Variants in SCIN observed in about 807,000 individuals in gnomAD.
The protein encoded by SCIN is adseverin.
A neutral mutation model predicts 91.8 loss-of-function variants in SCIN; 91 were observed. The observed-to-expected ratio is 0.99, with a 90% CI of 0.84 to 1.18. The LOEUF (loss-of-function observed/expected upper bound fraction) is 1.18, where lower values mean the gene tolerates loss of function less well. SCIN is among the 50% of genes most tolerant of loss of function. SCIN has a pLI of 0.00. For missense variants in SCIN, 1,087 were observed against 863.9 expected (o/e 1.26, Z -3.24); for synonymous variants, 367 against 312.6 (o/e 1.17, Z -1.84).
chr7:12,642,934 G>A (rs1246895178), intron 11 of SCIN, among the ~76,000 whole-genome samples: 1 of 152,030 alleles, frequency 6.6e-6, no homozygotes, highest in African/African-American at 2.4e-5. Flanking sequence ...CATATGTATT[G>A]ATCTCATCCA....
intron 3 of SCIN, among the ~76,000 whole-genome samples, chr7:12,586,224 T>TA (rs1782584108): frequency 6.6e-6 from 1 of 152,218 alleles, no homozygotes; most frequent in African/African-American, 2.4e-5. Flanking sequence ...AATTCATTTA[T>TA]AACTCAACTG....
chr7:12,645,000 A>T (rs1783932422), intron 13 of SCIN, among the ~76,000 whole-genome samples: 1 of 124,720 alleles, frequency 8.0e-6, no homozygotes, highest in South Asian at 2.9e-4. Context: ...AGCCTGGGCA[A>T]CAAGAGCAAA....
At chr7:12,640,634 T>G (rs1783840129) in intron 11 of SCIN, 117 bp downstream of exon 11, 2 of 899,580 alleles carry the variant, frequency 2.2e-6, no homozygotes, top group Non-Finnish European at 3.0e-6. Context: ...ATTCCTATAA[T>G]TAATCCACTG....
intron 10 of SCIN, among the ~76,000 whole-genome samples, chr7:12,636,762 T>C (rs1396135248): frequency 1.3e-5 from 2 of 152,148 alleles, no homozygotes; most frequent in East Asian, 1.9e-4. Context: ...TATTATGTAG[T>C]TGCAAATTGC....
At position 12,651,150 on chromosome 7, in the gene SCIN, A is replaced by C. The variant is rs1736009715; in HGVS notation, c.1960-691A>C. 6.6e-6 allele frequency among the ~76,000 whole-genome samples: 1 copy of C among 152,218 alleles called. No homozygotes were observed. The highest frequency in any genetic ancestry group is 6.5e-5 in the Admixed American group (1 of 15,286). ...TCTACCATTTTGAAGTTACAGAAAGAATGGGGGATTGCAGGATGGCAAAAC... is the reference window on the plus strand; with the variant it reads ...TCTACCATTTTGAAGTTACAGAAAGCATGGGGGATTGCAGGATGGCAAAAC... On this transcript the variant is annotated intron_variant, in intron 14 of 15. Transcript: ENST00000297029. This position sits in a 1 kb window ranked among gnomAD's most constrained non-coding sequence, Gnocchi z 5.9.
rs1034325527 is a variant in SCIN, at chr7:12,604,572, A to G, written c.575A>G (p.Gln192Arg). The G allele has an allele frequency of 3.2e-6, 5 of 1,551,896 alleles. No homozygotes were observed. The African/African-American group carries it at 5.5e-5, about 17-fold the overall frequency. ...CNKYERLKAN[Q>R]VATGIRYNER... ...AAATATGAACGTCTGAAGGCAAACC[A>G]GGTAGCTACTGGCATTCGGTACAAT... is the stretch of plus-strand genomic sequence containing the variant. Residue 192 changes from glutamine to arginine, a missense_variant, in exon 4 of 16, where the codon CAG (glutamine) becomes CGG (arginine). Coordinates refer to ENST00000297029, the MANE Select transcript of SCIN (RefSeq NM_001112706.3).
chr7:12,645,964 A>C (rs983672975), intron 13 of SCIN, among the ~76,000 whole-genome samples: 3 of 152,206 alleles, frequency 2.0e-5, no homozygotes, highest in Admixed American at 2.0e-4. Context: ...ATTATTTCTG[A>C]TCAAACTATG....
chr7:12,590,897 G>A (rs1782707685), intron 3 of SCIN, among the ~76,000 whole-genome samples: 1 of 152,142 alleles, frequency 6.6e-6, no homozygotes, highest in Non-Finnish European at 1.5e-5. Flanking sequence ...CATATTTGGA[G>A]TCTGTATAAA....
At position 12,578,909 on chromosome 7, in the gene SCIN, G is replaced by GTTTTTTTTTTTGTTTTGTTTTTTT. The variant is rs1554290048; in HGVS notation, c.354+702_354+703insGTTTTGTTTTTTTTTTTTTTTTTT. ...TAAGGCAGCCTTCAGTATAGGACAG[G>GTTTTTTTTTTTGTTTTGTTTTTTT]TTTTTTTTTTTTTTTGGCATCCTCC... On this transcript the variant is annotated intron_variant, in intron 2 of 15. Coordinates refer to ENST00000297029, the MANE Select transcript of SCIN (RefSeq NM_001112706.3). 3.5e-5 allele frequency among the ~76,000 whole-genome samples: 3 copies of GTTTTTTTTTTTGTTTTGTTTTTTT among 85,898 alleles called. 1 individual carries two copies. Among genetic ancestry groups the GTTTTTTTTTTTGTTTTGTTTTTTT allele is most frequent in the African/African-American group, 1.5e-4 (3 of 19,408 alleles). The allele number at this position is 85,898 out of a possible 152,430, so 56.4% of individuals were successfully genotyped here. A position where few individuals can be genotyped will look rare whatever the true frequency, so the allele number is the denominator to read the frequency against.
At chr7:12,596,245 C>G in intron 3 of SCIN, 1 of 410,856 alleles carries the variant, frequency 2.4e-6, no homozygotes, top group Non-Finnish European at 4.9e-6. Context: ...CACATGCCAA[C>G]CTGAGTCTTT....
At chr7:12,576,965 G>C (rs78824825) in intron 1 of SCIN, among the ~76,000 whole-genome samples, 13,840 of 152,162 alleles carry the variant, frequency 0.091, 908 homozygotes, top group East Asian at 0.23. Flanking sequence ...AGTTTGAAGT[G>C]TTTTCCATAA....
At chr7:12,649,121 A>G (rs950200535) in intron 13 of SCIN, among the ~76,000 whole-genome samples, 4 of 152,166 alleles carry the variant, frequency 2.6e-5, no homozygotes, top group African/African-American at 9.7e-5. Flanking sequence ...ATTTGCAGAA[A>G]AAAAGACAAA....
At chr7:12,634,224 G>A (rs1034030275) in intron 9 of SCIN, among the ~76,000 whole-genome samples, 7 of 152,102 alleles carry the variant, frequency 4.6e-5, no homozygotes, top group African/African-American at 9.7e-5. Flanking sequence ...GGTGGCTCAC[G>A]CCTGTAATCC....
Position 12,653,687 on chromosome 7 carries a change from C to T in SCIN, c.*972C>T, listed in dbSNP as rs1562640526. The T allele has an allele frequency of 1.3e-5, 2 of 152,030 alleles. No individual in the cohort carries two copies. Among genetic ancestry groups the T allele is most frequent in the Non-Finnish European group, 2.9e-5 (2 of 67,998 alleles). The allele number at this position is 152,030 out of a possible 1,614,324, so 9.4% of individuals were successfully genotyped here. A position where few individuals can be genotyped will look rare whatever the true frequency, so the allele number is the denominator to read the frequency against. On this transcript the variant is annotated 3_prime_UTR_variant, in exon 16 of 16. Coordinates refer to ENST00000297029, the MANE Select transcript of SCIN (RefSeq NM_001112706.3). This position sits in a 1 kb window ranked among gnomAD's most constrained non-coding sequence, Gnocchi z 4.1. ...GTACATGTTTAATATCACAGGAGAT[C>T]AAAAAGACAATGCACAGGGGAGTAT...
chr7:12,587,505 C>G (rs1583279699), intron 3 of SCIN, among the ~76,000 whole-genome samples: 1 of 152,240 alleles, frequency 6.6e-6, no homozygotes, highest in East Asian at 1.9e-4. Flanking sequence ...TATCCATAGC[C>G]TCATTTTAGT....
chr7:12,629,697 C>T (rs765483509), intron 9 of SCIN, among the ~76,000 whole-genome samples: 1 of 152,062 alleles, frequency 6.6e-6, no homozygotes, highest in Admixed American at 6.6e-5. Context: ...ATTAAATTCA[C>T]AAGAATAATG....
intron 4 of SCIN, among the ~76,000 whole-genome samples, chr7:12,608,999 G>A (rs545722686): frequency 1.3e-5 from 2 of 152,266 alleles, no homozygotes; most frequent in South Asian, 4.1e-4. Flanking sequence ...ACACTTTTCT[G>A]AGAGTCTTTT....
In SCIN at chr7:12,570,899, G is replaced by GCGACTT; in HGVS notation, c.115_120dup (p.Asp39_Phe40dup). On this transcript the variant is annotated inframe_insertion, in exon 1 of 16. Coordinates refer to ENST00000297029, the MANE Select transcript of SCIN (RefSeq NM_001112706.3). ...GTGCCCGTGCCCCAGAGCGCTCACG[G>GCGACTT]CGACTTCTACGTCGGGGATGCCTAC... The GCGACTT allele has an allele frequency of 6.4e-7, 1 of 1,551,594 alleles. No homozygotes were observed.
chr7:12,634,020 T>A (rs1327509171), intron 9 of SCIN, among the ~76,000 whole-genome samples: 1 of 152,136 alleles, frequency 6.6e-6, no homozygotes, highest in Non-Finnish European at 1.5e-5. Context: ...CCATTTGCCT[T>A]TTCTGGTCCA....
Sources: gnomAD v4.1 joint callset for allele counts (sites outside exome capture counted in the v4.1 genomes callset) on GRCh38, gnomAD v4.1.1 for gene constraint, Gnocchi (gnomAD v3.1) non-coding constraint, MANE v1.5 for transcripts, NCBI Gene and HGNC (gene_info 2026-07-23, HGNC 2026-07-21) for gene names.